TCERG1L: variants seen among roughly 807,000 people sequenced by gnomAD.
TCERG1L encodes the protein transcription elongation regulator 1 like, also known as transcription elongation regulator 1-like protein.
A neutral mutation model predicts 56.3 loss-of-function variants in TCERG1L; 37 were observed. The ratio of observed to expected loss-of-function variants is 0.66; its 90% CI spans 0.51 to 0.87. The LOEUF is 0.87. Ranked by LOEUF, TCERG1L falls within the 40% of genes least tolerant of loss-of-function variation. TCERG1L has a pLI of 0.00. For synonymous variants in TCERG1L, 324 were observed against 326.3 expected (o/e 0.99, Z 0.08); for missense variants, 799 against 774.2 (o/e 1.03, Z -0.38).
intron 3 of TCERG1L, among the ~76,000 whole-genome samples, chr10:131,291,235 T>G (rs1846617670): frequency 6.6e-6 from 1 of 151,982 alleles, no homozygotes; most frequent in Admixed American, 6.6e-5. Flanking sequence ...TTGACCTATG[T>G]GTAGATTACT....
At chr10:131,206,351 G>C (rs1028572030) in intron 4 of TCERG1L, among the ~76,000 whole-genome samples, 3 of 152,130 alleles carry the variant, frequency 2.0e-5, no homozygotes, top group African/African-American at 7.2e-5. Flanking sequence ...AGTGAAGACC[G>C]GTGTGGGAGC....
chr10:131,291,207 A>T (rs1530067), intron 3 of TCERG1L, among the ~76,000 whole-genome samples: 1 of 151,706 alleles, frequency 6.6e-6, no homozygotes, highest in Admixed American at 6.6e-5. Flanking sequence ...TATAACAATG[A>T]TTGTAAAATT....
intron 6 of TCERG1L, among the ~76,000 whole-genome samples, chr10:131,158,805 A>C (rs1198084726): frequency 1.3e-5 from 2 of 152,222 alleles, no homozygotes; most frequent in African/African-American, 2.4e-5. Context: ...ATGCACCGTC[A>C]TGGGACAGAC....
At chr10:131,159,484 C>T (rs1270290520) in intron 6 of TCERG1L, among the ~76,000 whole-genome samples, 2 of 152,146 alleles carry the variant, frequency 1.3e-5, no homozygotes, top group Non-Finnish European at 2.9e-5. Context: ...GGCAAAGACA[C>T]CCTTTCTAAG....
chr10:131,303,180 T>C (rs1479103710), intron 3 of TCERG1L, among the ~76,000 whole-genome samples: 1 of 152,114 alleles, frequency 6.6e-6, no homozygotes, highest in Non-Finnish European at 1.5e-5. Context: ...TTTCTGGTTC[T>C]AGATCCTTGA....
intron 4 of TCERG1L, among the ~76,000 whole-genome samples, chr10:131,225,804 T>C (rs775225587): frequency 4.6e-5 from 7 of 152,142 alleles, no homozygotes; most frequent in Non-Finnish European, 7.4e-5. Flanking sequence ...GCAAGTGTGA[T>C]TGGCCTCAGA....
intron 4 of TCERG1L, among the ~76,000 whole-genome samples, chr10:131,218,161 C>T (rs1023873427): frequency 2.0e-5 from 3 of 152,196 alleles, no homozygotes; most frequent in Non-Finnish European, 2.9e-5. Flanking sequence ...CTCATTACTG[C>T]GTTTCCTGGT....
intron 4 of TCERG1L, among the ~76,000 whole-genome samples, chr10:131,200,100 A>C (rs185798696): frequency 1.3e-5 from 2 of 152,194 alleles, no homozygotes; most frequent in Non-Finnish European, 1.5e-5. Flanking sequence ...TGCTCTGTTC[A>C]TGGCAATGCA....
intron 4 of TCERG1L, among the ~76,000 whole-genome samples, chr10:131,207,295 C>G (rs955078450): frequency 6.6e-6 from 1 of 152,046 alleles, no homozygotes; most frequent in African/African-American, 2.4e-5. Context: ...TCCAAATGGG[C>G]TGAAAGCCAG....
intron 9 of TCERG1L, among the ~76,000 whole-genome samples, chr10:131,109,882 G>T (rs1845393222): frequency 6.6e-6 from 1 of 152,252 alleles, no homozygotes; most frequent in Non-Finnish European, 1.5e-5. Flanking sequence ...GCCAGAAGGA[G>T]CTGCAGAGGA....
intron 4 of TCERG1L, among the ~76,000 whole-genome samples, chr10:131,256,988 GGAAGGAAAGAAAGAAAGAAAGAAA>G (rs1383444368): frequency 6.9e-4 from 50 of 72,920 alleles, no homozygotes; most frequent in South Asian, 1.3e-3. Context: ...AAGGAAGGAA[GGAAGGAAAGAAAGAAAGAAAGAAA>G]GAAAGAAAGA....
intron 4 of TCERG1L, among the ~76,000 whole-genome samples, chr10:131,176,418 CAA>C (rs989575161): frequency 3.4e-4 from 24 of 71,250 alleles, no homozygotes; most frequent in Non-Finnish European, 5.5e-4. Context: ...GCACATACAC[CAA>C]GACACATGTA....
At chr10:131,215,033 C>T (rs1422531932) in intron 4 of TCERG1L, among the ~76,000 whole-genome samples, 3 of 152,190 alleles carry the variant, frequency 2.0e-5, no homozygotes, top group South Asian at 2.1e-4. Context: ...GGGCGGTTCC[C>T]GAGATTGCAG....
Position 131,204,132 on chromosome 10 carries a change from G to A in TCERG1L, c.857-37247C>T, listed in dbSNP as rs188437644. ...CTCCTGCCATGGGAGGACACAGCAAGGAGGCGCCATCTTGGAAGCCTGGTG... is the reference window on the plus strand; with the variant it reads ...CTCCTGCCATGGGAGGACACAGCAAAGAGGCGCCATCTTGGAAGCCTGGTG... On this transcript the variant is annotated intron_variant, in intron 4 of 11. Transcript: ENST00000368642. Among the ~76,000 whole-genome samples, 149 of 152,358 alleles carry A rather than the reference G, an allele frequency of 9.8e-4. 1 individual carries two copies. The East Asian group carries it at 0.017, about 18-fold the overall frequency.
chr10:131,210,263 G>T (rs1327842956), intron 4 of TCERG1L, among the ~76,000 whole-genome samples: 3 of 152,146 alleles, frequency 2.0e-5, no homozygotes, highest in African/African-American at 7.2e-5. Context: ...CCCTGAGGTC[G>T]CCCAGCCTTG....
At chr10:131,147,387 G>C (rs952343167) in intron 6 of TCERG1L, among the ~76,000 whole-genome samples, 4 of 152,224 alleles carry the variant, frequency 2.6e-5, no homozygotes, top group African/African-American at 9.6e-5. Flanking sequence ...AAGGAATGCG[G>C]GTCCGGGAGC....
At chr10:131,148,583 C>CG (rs377729860) in intron 6 of TCERG1L, among the ~76,000 whole-genome samples, 1 of 151,744 alleles carries the variant, frequency 6.6e-6, no homozygotes, top group African/African-American at 2.4e-5. Flanking sequence ...CAAATACAGA[C>CG]ACACAGACAC....
chr10:131,131,838 A>G (rs1845621670), intron 8 of TCERG1L, among the ~76,000 whole-genome samples: 1 of 152,234 alleles, frequency 6.6e-6, no homozygotes, highest in Non-Finnish European at 1.5e-5. Context: ...ATGAGGCAAA[A>G]TTACGCTATC....
intron 4 of TCERG1L, among the ~76,000 whole-genome samples, chr10:131,192,449 T>C (rs1845315386): frequency 6.9e-6 from 1 of 144,392 alleles, no homozygotes; most frequent in African/African-American, 2.6e-5. Context: ...GGAAACAGTA[T>C]GGAGATTCCC....
Sources: gnomAD v4.1 joint callset for allele counts (sites outside exome capture counted in the v4.1 genomes callset) on GRCh38, gnomAD v4.1.1 for gene constraint, MANE v1.5 for transcripts, NCBI Gene and HGNC (gene_info 2026-07-23, HGNC 2026-07-21) for gene names.